RPS6KC1: variants seen among roughly 807,000 people sequenced by gnomAD.
RPS6KC1 encodes inactive ribosomal protein S6 kinase delta-1.
Under a neutral mutation model 103.8 loss-of-function variants are expected in RPS6KC1, and 54 were observed. The ratio of observed to expected loss-of-function variants is 0.52; its 90% CI spans 0.42 to 0.65. The LOEUF is 0.65. Among genes scored for constraint, RPS6KC1 ranks in the 30% least tolerant of loss-of-function variants. RPS6KC1 has a pLI of 0.00. For synonymous variants in RPS6KC1, 439 were observed against 438.7 expected (o/e 1.00, Z -0.01); for missense variants, 1,151 against 1,253.8 (o/e 0.92, Z 1.24).
the RPS6KC1 span, among the ~76,000 whole-genome samples, chr1:213,643,620 C>T: frequency 2.4e-4 from 37 of 151,766 alleles, no homozygotes; most frequent in Non-Finnish European, 4.4e-4. Context: ...ATTCCCCTCC[C>T]TCCCTCAACC....
the RPS6KC1 span, among the ~76,000 whole-genome samples, chr1:213,809,567 A>T: frequency 2.6e-5 from 4 of 152,214 alleles, no homozygotes; most frequent in African/African-American, 9.6e-5. Context: ...AACAAAGTAC[A>T]TGTATAATCT....
intron 6 of RPS6KC1, among the ~76,000 whole-genome samples, chr1:213,152,331 AC>A (rs1185469143): frequency 1.2e-4 from 13 of 112,646 alleles, no homozygotes; most frequent in South Asian, 9.1e-4. Flanking sequence ...CAGGGGGCTG[AC>A]CCCCCCCACC....
the RPS6KC1 span, among the ~76,000 whole-genome samples, chr1:213,467,754 T>G: frequency 6.6e-6 from 1 of 152,166 alleles, no homozygotes; most frequent in Admixed American, 6.5e-5. Flanking sequence ...AGCCTGTAGG[T>G]TGCAGGAAGG....
the RPS6KC1 span, among the ~76,000 whole-genome samples, chr1:213,437,750 GT>G: frequency 4.0e-5 from 6 of 149,484 alleles, no homozygotes; most frequent in South Asian, 8.5e-4. Context: ...TCTGCCTTTT[GT>G]TTTTTTTTGT....
chr1:213,449,194 A>G, the RPS6KC1 span, among the ~76,000 whole-genome samples: 3 of 152,072 alleles, frequency 2.0e-5, no homozygotes, highest in East Asian at 5.8e-4. Context: ...CTTCCAGTGG[A>G]GTCGTTTTAG....
At chr1:213,349,368 A>C in the RPS6KC1 span, among the ~76,000 whole-genome samples, 1 of 152,320 alleles carries the variant, frequency 6.6e-6, no homozygotes, top group Admixed American at 6.5e-5. Context: ...ACGGTAATGC[A>C]TGACCACTTG....
chr1:213,731,107 A>G, the RPS6KC1 span, among the ~76,000 whole-genome samples: 6 of 151,252 alleles, frequency 4.0e-5, no homozygotes, highest in Non-Finnish European at 8.9e-5. Flanking sequence ...TGGGTTCTCT[A>G]TTGTCTGTTT....
downstream of RPS6KC1, among the ~76,000 whole-genome samples, chr1:213,277,769 T>G (rs929819310): frequency 6.6e-6 from 1 of 152,262 alleles, no homozygotes. Flanking sequence ...TGATTTCTTT[T>G]GGGCAGGAAT....
At chr1:213,787,202 G>T in the RPS6KC1 span, among the ~76,000 whole-genome samples, 1 of 152,106 alleles carries the variant, frequency 6.6e-6, no homozygotes, top group Non-Finnish European at 1.5e-5. Flanking sequence ...CCTTGTCCTA[G>T]GTAGTAAGAA....
chr1:213,267,636 C>T (rs2094942545), intron 14 of RPS6KC1, among the ~76,000 whole-genome samples: 1 of 151,830 alleles, frequency 6.6e-6, no homozygotes, highest in South Asian at 2.1e-4. Context: ...TTCCAAAGAA[C>T]TAAATGAAAC....
chr1:213,307,060 G>GTTTT, the RPS6KC1 span, among the ~76,000 whole-genome samples: 6 of 130,452 alleles, frequency 4.6e-5, no homozygotes, highest in African/African-American at 9.0e-5. Flanking sequence ...AAGGATGCAG[G>GTTTT]TTTTTTTTTT....
chr1:213,681,948 A>G, the RPS6KC1 span, among the ~76,000 whole-genome samples: 1 of 152,202 alleles, frequency 6.6e-6, no homozygotes, highest in African/African-American at 2.4e-5. Flanking sequence ...TCCCAGCCCA[A>G]CTTTCCTAGG....
the RPS6KC1 span, among the ~76,000 whole-genome samples, chr1:213,406,665 AAAAC>A: frequency 1.2e-4 from 19 of 152,200 alleles, no homozygotes; most frequent in Non-Finnish European, 2.4e-4. Flanking sequence ...GGGTCATATA[AAAAC>A]AAACAGCCAG....
chr1:213,339,995 C>A, the RPS6KC1 span, among the ~76,000 whole-genome samples: 6 of 152,078 alleles, frequency 3.9e-5, no homozygotes, highest in East Asian at 1.2e-3. Flanking sequence ...TGGGTTCAAG[C>A]AATTCTCCTG....
At chr1:213,817,142 T>G in the RPS6KC1 span, among the ~76,000 whole-genome samples, 1 of 152,318 alleles carries the variant, frequency 6.6e-6, no homozygotes, top group South Asian at 2.1e-4. Flanking sequence ...GTACCAAGAA[T>G]GGGGATGCTG....
the RPS6KC1 span, among the ~76,000 whole-genome samples, chr1:213,344,150 C>A: frequency 2.6e-5 from 4 of 152,018 alleles, no homozygotes; most frequent in Admixed American, 1.3e-4. Context: ...GAGGAAGATA[C>A]AAAACCCAAT....
At chr1:213,434,730 A>G in the RPS6KC1 span, among the ~76,000 whole-genome samples, 1 of 151,772 alleles carries the variant, frequency 6.6e-6, no homozygotes, top group Non-Finnish European at 1.5e-5. Context: ...GGCTGGGATT[A>G]CAGGCATGAG....
intron 6 of RPS6KC1, among the ~76,000 whole-genome samples, chr1:213,162,228 A>G (rs999867451): frequency 6.6e-6 from 1 of 152,186 alleles, no homozygotes; most frequent in African/African-American, 2.4e-5. Context: ...TATTTGGACA[A>G]GAGTTTGGAC....
At chr1:213,371,058 C>CT in the RPS6KC1 span, among the ~76,000 whole-genome samples, 4,649 of 152,260 alleles carry the variant, frequency 0.031, 245 homozygotes, top group African/African-American at 0.11. Context: ...ATCTCCAGAA[C>CT]TTTCCTTCTT....
Sources: gnomAD v4.1 joint callset for allele counts (sites outside exome capture counted in the v4.1 genomes callset) on GRCh38, gnomAD v4.1.1 for gene constraint, MANE v1.5 for transcripts, NCBI Gene and HGNC (gene_info 2026-07-23, HGNC 2026-07-21) for gene names.